MYCBP2: variants seen among roughly 807,000 people sequenced by gnomAD.
MYCBP2 encodes the protein E3 ubiquitin-protein ligase MYCBP2.
In MYCBP2, 120 loss-of-function variants were observed where a neutral mutation model predicts 525.3. That is an observed-to-expected ratio of 0.23 (90% CI 0.20 to 0.27). The LOEUF (loss-of-function observed/expected upper bound fraction) is 0.27. Ranked by LOEUF, MYCBP2 falls within the 10% of genes least tolerant of loss-of-function variation. The pLI, the probability that MYCBP2 is intolerant of heterozygous loss-of-function variation, is 1.00. For synonymous variants in MYCBP2, 1,894 were observed against 1,955.8 expected (o/e 0.97, Z 0.83); for missense variants, 4,149 against 5,657.1 (o/e 0.73, Z 8.55).
At chr13:77,213,926 G>T (rs1249568722) in intron 21 of MYCBP2, among the ~76,000 whole-genome samples, 1 of 152,200 alleles carries the variant, frequency 6.6e-6, no homozygotes, top group Non-Finnish European at 1.5e-5. Context: ...CCACCCACCG[G>T]CTACTGCAAA....
chr13:77,241,434 G>A (rs1451096054), intron 17 of MYCBP2, among the ~76,000 whole-genome samples: 4 of 151,918 alleles, frequency 2.6e-5, no homozygotes, highest in Non-Finnish European at 5.9e-5. Flanking sequence ...CATTCATGTC[G>A]CTCAACCTAA....
At chr13:77,075,952 A>T (rs540415998) in intron 68 of MYCBP2, 2 of 152,206 alleles carry the variant, frequency 1.3e-5, no homozygotes, top group Admixed American at 6.5e-5. Flanking sequence ...AGGGTGAGAC[A>T]AGGGAAATCC....
Position 77,206,712 on chromosome 13 carries a change from G to A in MYCBP2, c.3530C>T (p.Ala1177Val). 1 of 1,611,546 alleles carries A rather than the reference G, an allele frequency of 6.2e-7. No homozygotes were observed. Among genetic ancestry groups the A allele is most frequent in the South Asian group, 1.1e-5 (1 of 90,620 alleles). Residue 1177 changes from alanine (A) to valine (V), a missense_variant, in exon 24 of 83, where the codon GCC becomes GTC. Ala to Val is a moderately conservative substitution (Grantham distance 64). This residue lies in a region of MYCBP2 where 620 missense variants were observed against 795.5 expected (regional missense o/e 0.78). Coordinates refer to ENST00000544440, the MANE Select transcript of MYCBP2 (RefSeq NM_015057.5). ...SRCSILSPEL[A>V]LPTGSRALTT... ...GAGGGCCCTTGATCCTGTTGGTAAGGCAAGTTCAGGACTTAGGATACTACA... is the reference window on the plus strand; with the variant it reads ...GAGGGCCCTTGATCCTGTTGGTAAGACAAGTTCAGGACTTAGGATACTACA...
intron 71 of MYCBP2, among the ~76,000 whole-genome samples, chr13:77,066,824 T>A (rs2154079342): frequency 6.6e-6 from 1 of 152,320 alleles, no homozygotes; most frequent in South Asian, 2.1e-4. Context: ...GGTGTTTTCA[T>A]TTGTTTACTG....
At chr13:77,139,935 C>A in intron 51 of MYCBP2, 112 bp downstream of exon 51, 5 of 615,208 alleles carry the variant, frequency 8.1e-6, no homozygotes, top group South Asian at 5.4e-5. Flanking sequence ...AAAATATTTC[C>A]CAAACTGCTT....
intron 49 of MYCBP2, 112 bp downstream of exon 49, chr13:77,144,333 T>A: frequency 2.8e-6 from 2 of 702,322 alleles, no homozygotes; most frequent in South Asian, 1.8e-5. Flanking sequence ...AAATAAGTTA[T>A]GAAACCTATC....
intron 32 of MYCBP2, among the ~76,000 whole-genome samples, chr13:77,184,787 CG>C (rs2060569135): frequency 6.6e-6 from 1 of 152,122 alleles, no homozygotes; most frequent in African/African-American, 2.4e-5. Flanking sequence ...ATGAGGGTGG[CG>C]GGGGCCTCCT....
chr13:77,153,111 C>T (rs185654289), intron 46 of MYCBP2, among the ~76,000 whole-genome samples: 2 of 151,660 alleles, frequency 1.3e-5, no homozygotes, highest in Admixed American at 6.6e-5. Context: ...ACGCATTCAT[C>T]GCGTTTCAAA....
chr13:77,279,635 C>T (rs1293789511), intron 3 of MYCBP2, among the ~76,000 whole-genome samples: 6 of 151,980 alleles, frequency 3.9e-5, no homozygotes, highest in Non-Finnish European at 8.8e-5. Flanking sequence ...GTAGAAACTC[C>T]CAAAACCATT....
At chr13:77,225,004 G>C (rs1330505431) in intron 19 of MYCBP2, among the ~76,000 whole-genome samples, 1 of 152,112 alleles carries the variant, frequency 6.6e-6, no homozygotes, top group South Asian at 2.1e-4. Flanking sequence ...GAACAGTACA[G>C]CAAAAGCTAA....
At chr13:77,060,733 C>T (rs1048919258) in intron 76 of MYCBP2, among the ~76,000 whole-genome samples, 1 of 152,118 alleles carries the variant, frequency 6.6e-6, no homozygotes, top group Admixed American at 6.5e-5. Context: ...ATTAGGTCTA[C>T]AAAAACCTCT....
At chr13:77,250,832 A>C (rs1488477660) in intron 15 of MYCBP2, among the ~76,000 whole-genome samples, 1 of 152,210 alleles carries the variant, frequency 6.6e-6, no homozygotes, top group Non-Finnish European at 1.5e-5. Flanking sequence ...ATAGATATCT[A>C]GCATTAAATA....
At chr13:77,250,981 C>G (rs1381303614) in intron 15 of MYCBP2, among the ~76,000 whole-genome samples, 170 bp downstream of exon 15, 1 of 152,080 alleles carries the variant, frequency 6.6e-6, no homozygotes, top group Non-Finnish European at 1.5e-5. Context: ...ATTATTATAA[C>G]AGAAAACAAT....
Position 77,144,953 on chromosome 13 carries a change from T to G in MYCBP2, c.7188-393A>C, listed in dbSNP as rs183764158. On this transcript the variant is annotated intron_variant, in intron 48 of 82. Coordinates refer to ENST00000544440, the MANE Select transcript of MYCBP2 (RefSeq NM_015057.5). ...CTGTGAATCTTATTCCCTCAACATT[T>G]TTATGCTGCAATCACCTTGTTCTCT... Among the ~76,000 whole-genome samples the G allele has an allele frequency of 8.5e-4, 129 of 152,324 alleles. 1 individual carries two copies. Among genetic ancestry groups the G allele is most frequent in the African/African-American group, 2.7e-3 (113 of 41,568 alleles).
intron 68 of MYCBP2, chr13:77,075,938 A>G (rs1035229906): frequency 1.3e-5 from 2 of 152,234 alleles, no homozygotes; most frequent in African/African-American, 4.8e-5. Flanking sequence ...GTATTAAGAA[A>G]CACAGGGTGA....
chr13:77,157,537 T>C (rs1425410008), intron 45 of MYCBP2, among the ~76,000 whole-genome samples: 2 of 152,018 alleles, frequency 1.3e-5, no homozygotes, highest in African/African-American at 4.8e-5. Flanking sequence ...TCATATACTA[T>C]CATAACTATT....
intron 30 of MYCBP2, among the ~76,000 whole-genome samples, chr13:77,188,268 G>T (rs1215761891): frequency 6.6e-6 from 1 of 152,090 alleles, no homozygotes; most frequent in African/African-American, 2.4e-5. Flanking sequence ...TTCTTCCTAT[G>T]CATTTTACTA....
At chr13:77,053,399 G>A (rs932259827) in intron 80 of MYCBP2, among the ~76,000 whole-genome samples, 11 of 152,162 alleles carry the variant, frequency 7.2e-5, no homozygotes, top group Admixed American at 6.5e-5. Context: ...AGCTATGTCC[G>A]GATTGGGAAT....
At position 77,326,715 on chromosome 13, in the gene MYCBP2, C is replaced by A; in HGVS notation, c.61G>T (p.Gly21Ter). ...AAASSGLGGDGFYPAATFSSS... is the reference protein window; with the variant it reads ...AAASSGLGGD ...GAGAAGGTGGCGGCTGGGTAGAATC[C>A]GTCCCCGCCGAGCCCCGAGGAGGCG... is the stretch of plus-strand genomic sequence containing the variant. The change falls in exon 1 of 83, where the codon GGA becomes TGA. Residue 21 changes from glycine (G) to a stop codon, truncating the protein, a stop_gained. Transcript: ENST00000544440. LOFTEE classifies it high-confidence loss of function. The surrounding 1 kb of genome is among the most constrained non-coding windows in gnomAD (Gnocchi z 4.2). The A allele has an allele frequency of 7.1e-7, 1 of 1,414,388 alleles. No homozygotes were observed. The highest frequency in any genetic ancestry group is 9.1e-7 in the Non-Finnish European group (1 of 1,096,240). The allele number at this position is 1,414,388 out of a possible 1,614,324, so 87.6% of individuals were successfully genotyped here. A position where few individuals can be genotyped will look rare whatever the true frequency, so the allele number is the denominator to read the frequency against.
Sources: allele counts gnomAD v4.1 joint callset (sites outside exome capture counted in the v4.1 genomes callset), GRCh38; gene constraint gnomAD v4.1.1; regional missense constraint gnomAD v4.1.1; non-coding constraint Gnocchi (gnomAD v3.1); transcripts MANE v1.5; gene names NCBI Gene and HGNC (gene_info 2026-07-23, HGNC 2026-07-21).